FAM163A: variants seen among roughly 807,000 people sequenced by gnomAD.
FAM163A encodes protein FAM163A.
In FAM163A, 7 loss-of-function variants were observed where a neutral mutation model predicts 12.0. The observed-to-expected ratio is 0.58, with a 90% CI of 0.33 to 1.10. FAM163A has a LOEUF of 1.10. Among genes scored for constraint, FAM163A ranks in the 50% least tolerant of loss-of-function variants. The pLI, the probability that FAM163A is intolerant of heterozygous loss-of-function variation, is 0.03. For synonymous variants in FAM163A, 101 were observed against 91.0 expected, an observed-to-expected ratio of 1.11 and a Z score of -0.62; for missense variants, 202 against 218.6, an observed-to-expected ratio of 0.92 and a Z score of 0.48.
rs139932646 is a variant in FAM163A, at chr1:179,807,402, G to C, written c.-135-396G>C. ...CTGGGAAAGAGGTATGTTAAGAGCA[G>C]GGTCAGTCATGCAGGCAACAAGGAC... is the stretch of plus-strand genomic sequence containing the variant. On this transcript the variant is annotated intron_variant, in intron 1 of 4. Transcript: ENST00000341785. Among the ~76,000 whole-genome samples the C allele has an allele frequency of 5.8e-3, 877 of 152,286 alleles. 8 individuals are homozygous for C. The highest frequency in any genetic ancestry group is 0.014 in the Middle Eastern group (4 of 294).
chr1:179,745,852 C>T (rs564324929), intron 1 of FAM163A, among the ~76,000 whole-genome samples: 1 of 152,314 alleles, frequency 6.6e-6, no homozygotes, highest in South Asian at 2.1e-4. Context: ...GTCACTACTC[C>T]TTCCTCGGGG....
At chr1:179,749,474 G>T (rs1684962344) in intron 1 of FAM163A, among the ~76,000 whole-genome samples, 1 of 152,220 alleles carries the variant, frequency 6.6e-6, no homozygotes, top group Admixed American at 6.5e-5. Flanking sequence ...TGGCCAGTGG[G>T]TCTCAAAAAC....
At chr1:179,769,286 C>T (rs1687936141) in intron 1 of FAM163A, among the ~76,000 whole-genome samples, 1 of 152,054 alleles carries the variant, frequency 6.6e-6, no homozygotes, top group African/African-American at 2.4e-5. Flanking sequence ...GCTGAGACCA[C>T]AGTTGCATGC....
rs912659108 is a variant in FAM163A at position 179,814,639 on chromosome 1, A to G, written c.*450A>G. ...GGCAAGGAGAGAAGTGAGAGCTACA[A>G]TTCCAGCATTGGAGAAGCGAGGGGC... On this transcript the variant is annotated 3_prime_UTR_variant, in exon 5 of 5. Coordinates refer to ENST00000341785, the MANE Select transcript of FAM163A (RefSeq NM_173509.3). 2 of 156,818 alleles carry G rather than the reference A, an allele frequency of 1.3e-5. No homozygotes were observed. The highest frequency in any genetic ancestry group is 6.3e-5 in the Admixed American group (1 of 15,984). The allele number at this position is 156,818 out of a possible 1,614,324, so 9.7% of individuals were successfully genotyped here. A position where few individuals can be genotyped will look rare whatever the true frequency, so the allele number is the denominator to read the frequency against.
At chr1:179,746,466 C>T (rs979828651) in intron 1 of FAM163A, among the ~76,000 whole-genome samples, 1 of 152,112 alleles carries the variant, frequency 6.6e-6, no homozygotes, top group Admixed American at 6.5e-5. Context: ...GAATGATTTC[C>T]AAGATATATG....
intron 1 of FAM163A, among the ~76,000 whole-genome samples, chr1:179,761,176 T>C (rs762928885): frequency 3.9e-5 from 6 of 152,274 alleles, no homozygotes; most frequent in Non-Finnish European, 5.9e-5. Flanking sequence ...TGTATGTGCA[T>C]TTTGTGTGTA....
At chr1:179,727,816 T>A in the FAM163A span, among the ~76,000 whole-genome samples, 1 of 152,128 alleles carries the variant, frequency 6.6e-6, no homozygotes, top group Non-Finnish European at 1.5e-5. Flanking sequence ...TTTGGAAGCA[T>A]AGAGAAGAGA....
chr1:179,748,419 T>C (rs1202730339), intron 1 of FAM163A, among the ~76,000 whole-genome samples: 1 of 152,094 alleles, frequency 6.6e-6, no homozygotes, highest in African/African-American at 2.4e-5. Flanking sequence ...AAAATCACCT[T>C]AGGCCAAAAA....
intron 1 of FAM163A, among the ~76,000 whole-genome samples, chr1:179,781,973 G>T (rs1689831839): frequency 6.7e-6 from 1 of 150,282 alleles, no homozygotes; most frequent in Non-Finnish European, 1.5e-5. Flanking sequence ...CTTGCTTCGA[G>T]CACAAGTTGT....
chr1:179,771,260 C>T (rs980728086), intron 1 of FAM163A, among the ~76,000 whole-genome samples: 4 of 150,502 alleles, frequency 2.7e-5, no homozygotes, highest in African/African-American at 1.0e-4. Flanking sequence ...TGTGCATCCC[C>T]TCCGCTGGCA....
At chr1:179,781,083 G>A (rs987058925) in intron 1 of FAM163A, among the ~76,000 whole-genome samples, 9 of 152,176 alleles carry the variant, frequency 5.9e-5, no homozygotes, top group Non-Finnish European at 8.8e-5. Context: ...ATACACGATG[G>A]CTTTAAAATG....
At chr1:179,730,343 T>A in the FAM163A span, 1 of 152,280 alleles carries the variant, frequency 6.6e-6, no homozygotes, top group Non-Finnish European at 1.5e-5. Flanking sequence ...GGAAGCAAAG[T>A]TACTCAGACC....
intron 3 of FAM163A, among the ~76,000 whole-genome samples, chr1:179,812,758 G>C (rs1487396981): frequency 2.0e-5 from 3 of 152,236 alleles, no homozygotes; most frequent in African/African-American, 4.8e-5. Flanking sequence ...AGCGGCAGCT[G>C]TTCCTCTGTG....
At chr1:179,746,935 A>G (rs1381807769) in intron 1 of FAM163A, among the ~76,000 whole-genome samples, 1 of 152,168 alleles carries the variant, frequency 6.6e-6, no homozygotes, top group Non-Finnish European at 1.5e-5. Context: ...TGAGCTGGGT[A>G]GGCAAGTTAT....
At position 179,815,223 on chromosome 1, in the gene FAM163A, G is replaced by C. The variant is rs1471046465; in HGVS notation, c.*1034G>C. 6.6e-6 allele frequency: 1 copy of C among 152,546 alleles called. No homozygotes were observed. The highest frequency in any genetic ancestry group is 1.5e-5 in the Non-Finnish European group (1 of 68,354). The allele number at this position is 152,546 out of a possible 1,614,324, so 9.4% of individuals were successfully genotyped here. ...GAGAGGAAAGGTCTCCCATGTACCAGAGAAGGAAAAGTCTGATCCCGAAAC... is the reference window on the plus strand; with the variant it reads ...GAGAGGAAAGGTCTCCCATGTACCACAGAAGGAAAAGTCTGATCCCGAAAC... On this transcript the variant is annotated 3_prime_UTR_variant, in exon 5 of 5. Coordinates refer to ENST00000341785, the MANE Select transcript of FAM163A (RefSeq NM_173509.3).
chr1:179,793,120 A>G (rs896990478), intron 1 of FAM163A, among the ~76,000 whole-genome samples: 4 of 152,182 alleles, frequency 2.6e-5, no homozygotes, highest in Admixed American at 2.0e-4. Flanking sequence ...CAAAGATATC[A>G]TAGCCTATCC....
At chr1:179,781,933 CAAAAAAAA>C (rs58962319) in intron 1 of FAM163A, among the ~76,000 whole-genome samples, 28,698 of 119,246 alleles carry the variant, frequency 0.24, 3,336 homozygotes, top group Non-Finnish European at 0.31. Context: ...GAATCCGTAT[CAAAAAAAA>C]AAAAAAAAAA....
At position 179,766,337 on chromosome 1, in the gene FAM163A, A is replaced by C. The variant is rs1205751696; in HGVS notation, c.-136+22914A>C. On this transcript the variant is annotated intron_variant, in intron 1 of 4. Transcript: ENST00000341785. ...GGTCATGAGACCCCCCATTCCAGAG[A>C]GGGCCCTGCTCCACACCCAGAGGAA... is the stretch of plus-strand genomic sequence containing the variant. 2.0e-5 allele frequency among the ~76,000 whole-genome samples: 3 copies of C among 152,164 alleles called. No individual in the cohort carries two copies. The East Asian group carries it at 5.8e-4, about 29-fold the overall frequency.
At chr1:179,729,197 C>T in the FAM163A span, among the ~76,000 whole-genome samples, 2 of 152,028 alleles carry the variant, frequency 1.3e-5, no homozygotes, top group African/African-American at 2.4e-5. Context: ...GATAATATAT[C>T]CTATGTATTT....
Sources: allele counts gnomAD v4.1 joint callset (sites outside exome capture counted in the v4.1 genomes callset), GRCh38; gene constraint gnomAD v4.1.1; transcripts MANE v1.5; gene names NCBI Gene and HGNC (gene_info 2026-07-23, HGNC 2026-07-21).